PLIN2: variants seen among roughly 807,000 people sequenced by gnomAD.
PLIN2 encodes the protein perilipin-2.
PLIN2 carries 33 observed loss-of-function variants against 30.6 expected under a neutral mutation model. That is an observed-to-expected ratio of 1.08 (90% CI 0.82 to 1.44). The LOEUF is 1.44. PLIN2 is among the 40% of genes most tolerant of loss of function. The probability of loss-of-function intolerance (pLI) is 0.00; values close to 1 mark genes in which losing one functional copy is unlikely to be tolerated. For missense variants in PLIN2, 610 were observed against 531.8 expected (o/e 1.15, Z -1.45); for synonymous variants, 205 against 201.1 (o/e 1.02, Z -0.16).
rs557218164 is a variant in PLIN2 at position 19,117,582 on chromosome 9, C to G, written c.912+739G>C. 5.3e-5 allele frequency among the ~76,000 whole-genome samples: 8 copies of G among 152,018 alleles called. No homozygotes were observed. In the South Asian group the frequency reaches 1.7e-3, roughly 32 times the overall value. On this transcript the variant is annotated intron_variant, in intron 7 of 7. Coordinates refer to ENST00000276914, the MANE Select transcript of PLIN2 (RefSeq NM_001122.4). ...GAAAGCAATGTGACTCAACTACCCC[C>G]ACTCCAAGGCTGCCTGAGATAGTCT...
downstream of PLIN2, among the ~76,000 whole-genome samples, chr9:19,111,097 G>A (rs193216104): frequency 2.2e-4 from 33 of 150,272 alleles, no homozygotes; most frequent in African/African-American, 7.4e-4. Flanking sequence ...TCGCTCTGTC[G>A]CCCAAGCTGG....
At chr9:19,120,135 T>A (rs1818292105) in intron 5 of PLIN2, among the ~76,000 whole-genome samples, 1 of 152,022 alleles carries the variant, frequency 6.6e-6, no homozygotes. Flanking sequence ...TTTGGCTCAC[T>A]GCAGCCTCAA....
downstream of PLIN2, among the ~76,000 whole-genome samples, chr9:19,114,953 T>C (rs958681092): frequency 1.3e-5 from 2 of 152,212 alleles, no homozygotes; most frequent in East Asian, 3.8e-4. Context: ...TTTCCCAAAA[T>C]GACAACACAG....
At position 19,116,329 on chromosome 9, in the gene PLIN2, CTCAG is replaced by C. The variant is rs1321256769; in HGVS notation, c.1229_1232del (p.Thr410SerfsTer61). ...CACCTTGGTCCTGAGCATTCTGAGACTCAGTCAGCTGAGGATAAAAGGGACCTAC... is the reference window on the plus strand; with the variant it reads ...CACCTTGGTCCTGAGCATTCTGAGACTCAGCTGAGGATAAAAGGGACCTAC... On this transcript the variant is annotated frameshift_variant, in exon 8 of 8. Coordinates refer to ENST00000276914, the MANE Select transcript of PLIN2 (RefSeq NM_001122.4). LOFTEE classifies it low-confidence loss of function (END_TRUNC). The C allele has an allele frequency of 1.4e-5, 22 of 1,614,084 alleles. No individual in the cohort carries two copies. Among genetic ancestry groups the C allele is most frequent in the Non-Finnish European group, 1.9e-5 (22 of 1,180,026 alleles).
At chr9:19,110,766 G>A (rs528932574), downstream of PLIN2, among the ~76,000 whole-genome samples, 5 of 152,250 alleles carry the variant, frequency 3.3e-5, no homozygotes, top group South Asian at 4.1e-4. Flanking sequence ...ATGAGCTACC[G>A]TGCCCAGCCA....
downstream of PLIN2, among the ~76,000 whole-genome samples, chr9:19,113,238 G>T (rs540822712): frequency 1.6e-4 from 25 of 152,116 alleles, no homozygotes; most frequent in African/African-American, 6.0e-4. Flanking sequence ...GAGGCTGAGG[G>T]CAGGAGAATA....
Position 19,127,104 on chromosome 9 carries a change from T to C in PLIN2, c.-23+315A>G, listed in dbSNP as rs2131187667. Among the ~76,000 whole-genome samples the C allele has an allele frequency of 6.6e-6, 1 of 152,294 alleles. No individual in the cohort carries two copies. The highest frequency in any genetic ancestry group is 1.9e-4 in the East Asian group (1 of 5,182). On this transcript the variant is annotated intron_variant, in intron 1 of 7. Coordinates refer to ENST00000276914, the MANE Select transcript of PLIN2 (RefSeq NM_001122.4). The surrounding 1 kb of genome is among the most constrained non-coding windows in gnomAD (Gnocchi z 4.3). Reference sequence around the variant, plus strand: ...TAATGTCCCTTCGACAAATATTGTTTTCCCACAACCACCCAAGCAGGCCAA... The same window carrying C: ...TAATGTCCCTTCGACAAATATTGTTCTCCCACAACCACCCAAGCAGGCCAA...
intron 4 of PLIN2, chr9:19,123,208 G>A: frequency 2.8e-6 from 2 of 717,016 alleles, no homozygotes; most frequent in South Asian, 1.9e-5. Context: ...GTTCCTGGCA[G>A]CATTGTACAA....
chr9:19,121,073 G>A lies in PLIN2; in HGVS notation c.402C>T (p.Ile134=). ...CTTTGGTCTTGTCCATCACCCCTGT[G>A]ATCGTGCTGGCCACAGAATCCTTGG... ...TGAKDSVAST[I]TGVMDKTKGA... Residue 134 remains isoleucine (I), a synonymous_variant, in exon 5 of 8, where the codon ATC becomes ATT. Transcript: ENST00000276914. 6.2e-7 allele frequency: 1 copy of A among 1,614,178 alleles called. No homozygotes were observed. The highest frequency in any genetic ancestry group is 1.1e-5 in the South Asian group (1 of 91,086).
At chr9:19,112,207 A>G (rs1454278110), downstream of PLIN2, among the ~76,000 whole-genome samples, 3 of 152,216 alleles carry the variant, frequency 2.0e-5, no homozygotes, top group Non-Finnish European at 4.4e-5. Context: ...CTATGTTATC[A>G]TTACAGGCAA....
intron 5 of PLIN2, among the ~76,000 whole-genome samples, chr9:19,120,661 A>T (rs918629931): frequency 6.6e-6 from 1 of 152,130 alleles, no homozygotes. Context: ...CCTGGGCAAC[A>T]TAGTGAGATC....
Position 19,116,587 on chromosome 9 carries a change from G to A in PLIN2, c.975C>T (p.Cys325=). The A allele has an allele frequency of 6.2e-7, 1 of 1,614,112 alleles. No homozygotes were observed. The highest frequency in any genetic ancestry group is 8.5e-7 in the Non-Finnish European group (1 of 1,180,002). Residue 325 remains cysteine (C), a synonymous_variant, in exon 8 of 8, where the codon TGC becomes TGT. Transcript: ENST00000276914. ...CTTGGATGTTGGACAGGAGGGTGTG[G>A]CACGTGGTCTGGAGCTGCTGAGTCA... The part of the protein sequence containing the change: ...RNLTQQLQTT[C]HTLLSNIQGV...
At chr9:19,116,795 T>C in intron 7 of PLIN2, 146 bp from the exon 8 acceptor site, 1 of 641,408 alleles carries the variant, frequency 1.6e-6, no homozygotes, top group Non-Finnish European at 2.7e-6. Context: ...TGCAGCAGTA[T>C]TATTCACATT....
At chr9:19,126,913 G>A (rs547372627) in intron 1 of PLIN2, among the ~76,000 whole-genome samples, 2 of 152,072 alleles carry the variant, frequency 1.3e-5, no homozygotes, top group Non-Finnish European at 2.9e-5. Flanking sequence ...GTGGTGGCGG[G>A]CGCCTGTTAT....
chr9:19,119,992 C>G (rs1818289564), intron 5 of PLIN2, among the ~76,000 whole-genome samples, 161 bp from the exon 6 acceptor site: 2 of 152,086 alleles, frequency 1.3e-5, no homozygotes, highest in Non-Finnish European at 2.9e-5. Flanking sequence ...CTGGACTTGA[C>G]TACCCTGAAC....
chr9:19,113,048 A>G (rs1409043826), downstream of PLIN2, among the ~76,000 whole-genome samples: 1 of 152,118 alleles, frequency 6.6e-6, no homozygotes, highest in Non-Finnish European at 1.5e-5. Context: ...GTTCAGGATA[A>G]GAAAGCATGT....
chr9:19,113,027 C>G (rs1334448864), downstream of PLIN2, among the ~76,000 whole-genome samples: 1 of 151,316 alleles, frequency 6.6e-6, no homozygotes, highest in Non-Finnish European at 1.5e-5. Context: ...TAGGGAAACA[C>G]AAAGGTGTAT....
rs1818263866 is a variant in PLIN2 at position 19,118,400 on chromosome 9, T to C, written c.833A>G (p.Gln278Arg). The C allele has an allele frequency of 1.9e-6, 3 of 1,613,430 alleles. No individual in the cohort carries two copies. The highest frequency in any genetic ancestry group is 2.5e-6 in the Non-Finnish European group (3 of 1,179,500). ...YSANQKIQDA[Q>R]DKLYLSWVEW... ...TACCCATGAGAGGTAGAGCTTATCCTGAGCATCCTGAATTTTCTGATTGGC... is the reference window on the plus strand; with the variant it reads ...TACCCATGAGAGGTAGAGCTTATCCCGAGCATCCTGAATTTTCTGATTGGC... Residue 278 changes from glutamine to arginine, a missense_variant, in exon 7 of 8, where the codon CAG becomes CGG. Gln to Arg is a conservative substitution (Grantham distance 43). Transcript: ENST00000276914.
chr9:19,121,696 C>G (rs1818320009), intron 4 of PLIN2, among the ~76,000 whole-genome samples: 1 of 152,150 alleles, frequency 6.6e-6, no homozygotes. Context: ...CTTTGCAAAG[C>G]TGAGTTGGTT....
Sources: gnomAD v4.1 joint callset for allele counts (sites outside exome capture counted in the v4.1 genomes callset) on GRCh38, gnomAD v4.1.1 for gene constraint, Gnocchi (gnomAD v3.1) non-coding constraint, MANE v1.5 for transcripts, NCBI Gene and HGNC (gene_info 2026-07-23, HGNC 2026-07-21) for gene names.